QRICH1: variants seen among roughly 807,000 people sequenced by gnomAD.
QRICH1 encodes glutamine rich 1.
In QRICH1, 16 loss-of-function variants were observed where a neutral mutation model predicts 87.1. The observed-to-expected ratio is 0.18, with a 90% CI of 0.12 to 0.28. QRICH1 has a LOEUF of 0.28. Among genes scored for constraint, QRICH1 ranks in the 10% least tolerant of loss-of-function variants. The probability of loss-of-function intolerance (pLI) is 1.00; values close to 1 mark genes in which losing one functional copy is unlikely to be tolerated. For missense variants in QRICH1, 647 were observed against 951.7 expected, an observed-to-expected ratio of 0.68 and a Z score of 4.21; for synonymous variants, 367 against 368.4, an observed-to-expected ratio of 1.00 and a Z score of 0.05.
rs181686792 is a variant in QRICH1, at chr3:49,068,589, C to T, written c.309+8120G>A. 1.7e-3 allele frequency among the ~76,000 whole-genome samples: 256 copies of T among 151,720 alleles called. 1 individual carries two copies. The highest frequency in any genetic ancestry group is 2.8e-3 in the Non-Finnish European group (190 of 67,930). Reference sequence around the variant, plus strand: ...GCAGCGAGCCGTGATCATGCCACTGCACTCCAGCATGGATGACAGAGCCAA... The same window carrying T: ...GCAGCGAGCCGTGATCATGCCACTGTACTCCAGCATGGATGACAGAGCCAA... On this transcript the variant is annotated intron_variant, in intron 2 of 9. Transcript: ENST00000395443.
chr3:49,063,234 A>C (rs2093445787), intron 2 of QRICH1, among the ~76,000 whole-genome samples: 1 of 152,160 alleles, frequency 6.6e-6, no homozygotes. Context: ...CATGAAGTAA[A>C]ATATTATTTC....
intron 1 of QRICH1, among the ~76,000 whole-genome samples, chr3:49,089,895 C>T (rs1372649309): frequency 6.6e-6 from 1 of 152,226 alleles, no homozygotes; most frequent in Admixed American, 6.5e-5. Context: ...TTCAGAGATA[C>T]TGGCATCGTT....
rs1397873070 is a variant in QRICH1, at chr3:49,046,449, G to A, written c.1647C>T (p.Tyr549=). 2 of 1,613,852 alleles carry A rather than the reference G, an allele frequency of 1.2e-6. No individual in the cohort carries two copies. The highest frequency in any genetic ancestry group is 1.1e-5 in the South Asian group (1 of 91,042). Residue 549 remains tyrosine (Y), a synonymous_variant, in exon 5 of 10, where the codon TAC becomes TAT. Transcript: ENST00000395443. ...EGEPYDPDVL[Y]YIFLCIQKYL... is the part of the protein sequence containing the mutation. ...CCTTTTGAATACACAGGAAAATATA[G>A]TAGAGCACATCTGGGTCATAGGGTT... is the stretch of plus-strand genomic sequence containing the variant.
intron 8 of QRICH1, 139 bp from the exon 9 acceptor site, chr3:49,032,412 G>A: frequency 1.2e-6 from 1 of 851,414 alleles, no homozygotes; most frequent in Non-Finnish European, 1.9e-6. Flanking sequence ...GGCATGGGCA[G>A]TGACTACTAA....
chr3:49,085,363 C>T (rs936458138), intron 1 of QRICH1, among the ~76,000 whole-genome samples: 2 of 150,744 alleles, frequency 1.3e-5, no homozygotes, highest in East Asian at 1.9e-4. Context: ...CACGGTGAAA[C>T]CCCATCTCTA....
intron 2 of QRICH1, among the ~76,000 whole-genome samples, chr3:49,071,376 G>A (rs1204617437): frequency 6.6e-6 from 1 of 152,090 alleles, no homozygotes; most frequent in Admixed American, 6.5e-5. Flanking sequence ...AGAAAGCGGG[G>A]CCAGGTGTAA....
At chr3:49,081,533 T>G (rs1424105821) in intron 1 of QRICH1, among the ~76,000 whole-genome samples, 1 of 152,210 alleles carries the variant, frequency 6.6e-6, no homozygotes, top group Non-Finnish European at 1.5e-5. Flanking sequence ...CAAGGTCTTA[T>G]TCTATCACCC....
At chr3:49,035,179 T>C (rs2093267464) in intron 6 of QRICH1, among the ~76,000 whole-genome samples, 1 of 152,180 alleles carries the variant, frequency 6.6e-6, no homozygotes, top group Non-Finnish European at 1.5e-5. Context: ...CAAGGAATCC[T>C]CTCACCTCAG....
At chr3:49,033,089 A>G in intron 7 of QRICH1, 31 bp downstream of exon 7, 1 of 1,415,384 alleles carries the variant, frequency 7.1e-7, no homozygotes, top group African/African-American at 1.5e-5. Context: ...CACTGGACAG[A>G]TGCCAGCAGT....
At chr3:49,079,237 AAAAC>A (rs951961856) in intron 1 of QRICH1, among the ~76,000 whole-genome samples, 67 of 151,954 alleles carry the variant, frequency 4.4e-4, no homozygotes, top group East Asian at 9.7e-4. Flanking sequence ...CTGTCTAAAA[AAAAC>A]AAACAAACAA....
chr3:49,092,627 A>G (rs2042297974), intron 1 of QRICH1, among the ~76,000 whole-genome samples: 1 of 152,144 alleles, frequency 6.6e-6, no homozygotes, highest in Non-Finnish European at 1.5e-5. Flanking sequence ...AGCTTAATTG[A>G]GCAAGACTGT....
intron 1 of QRICH1, among the ~76,000 whole-genome samples, chr3:49,089,473 C>T (rs2042231312): frequency 6.6e-6 from 1 of 152,040 alleles, no homozygotes; most frequent in African/African-American, 2.4e-5. Context: ...ATCCATTCCA[C>T]GAACCTGAGC....
chr3:49,036,141 G>A (rs1429379829), intron 6 of QRICH1, among the ~76,000 whole-genome samples: 1 of 152,148 alleles, frequency 6.6e-6, no homozygotes, highest in Admixed American at 6.6e-5. Flanking sequence ...CTGAGGGCCA[G>A]GGCTCCTAGC....
At chr3:49,067,642 C>A (rs1292858978) in intron 2 of QRICH1, among the ~76,000 whole-genome samples, 1 of 151,538 alleles carries the variant, frequency 6.6e-6, no homozygotes, top group Non-Finnish European at 1.5e-5. Flanking sequence ...ATATAAGAGC[C>A]AAGCTTTTTC....
chr3:49,030,726 CT>C, intron 9 of QRICH1, 82 bp from the exon 10 acceptor site: 1 of 1,253,924 alleles, frequency 8.0e-7, no homozygotes, highest in Non-Finnish European at 1.1e-6. Context: ...CAGATGCTGT[CT>C]GCAAACAGTA....
At chr3:49,046,244 G>A (rs1349363537) in intron 5 of QRICH1, among the ~76,000 whole-genome samples, 181 bp downstream of exon 5, 6 of 147,978 alleles carry the variant, frequency 4.1e-5, no homozygotes, top group Non-Finnish European at 8.9e-5. Context: ...TAAAGTGAAC[G>A]TGTAGGTTTT....
At position 49,056,934 on chromosome 3, in the gene QRICH1, C is replaced by T. The variant is rs778938477; in HGVS notation, c.1266G>A (p.Pro422=). The change falls in exon 3 of 10, where the codon CCG becomes CCA. Residue 422 remains proline (P), a synonymous_variant. Coordinates refer to ENST00000395443, the MANE Select transcript of QRICH1 (RefSeq NM_198880.3). The part of the protein sequence containing the change: ...TVHIWDPQQQ[P]QQQTPQEQTP... ...TCTGTTCCTGGGGAGTTTGCTGCTG[C>T]GGCTGCTGTTGGGGGTCCCATATAT... 37 of 1,613,956 alleles carry T rather than the reference C, an allele frequency of 2.3e-5. No homozygotes were observed. The Admixed American group carries it at 3.8e-4, about 17-fold the overall frequency.
chr3:49,077,296 C>A (rs2041969608), intron 1 of QRICH1, among the ~76,000 whole-genome samples: 1 of 152,086 alleles, frequency 6.6e-6, no homozygotes, highest in Admixed American at 6.6e-5. Flanking sequence ...ATGAAACAGG[C>A]TGAAAACACA....
intron 1 of QRICH1, among the ~76,000 whole-genome samples, chr3:49,093,001 TCA>T (rs964428938): frequency 4.6e-5 from 7 of 152,194 alleles, no homozygotes; most frequent in Non-Finnish European, 8.8e-5. Context: ...AGCTCGGAGT[TCA>T]CATGGGCCAC....
Sources: allele counts gnomAD v4.1 joint callset (sites outside exome capture counted in the v4.1 genomes callset), GRCh38; gene constraint gnomAD v4.1.1; transcripts MANE v1.5; gene names NCBI Gene and HGNC (gene_info 2026-07-23, HGNC 2026-07-21).